The following UBE4B variants were observed in gnomAD, a reference collection of about 807,000 sequenced individuals.
UBE4B encodes ubiquitination factor E4B, also known as ubiquitin conjugation factor E4 B.
Under a neutral mutation model 148.1 loss-of-function variants are expected in UBE4B, and 27 were observed. The observed-to-expected ratio is 0.18, with a 90% CI of 0.13 to 0.25. The LOEUF (loss-of-function observed/expected upper bound fraction) is 0.25, where lower values mean the gene tolerates loss of function less well. Among genes scored for constraint, UBE4B ranks in the 10% least tolerant of loss-of-function variants. The pLI, the probability that UBE4B is intolerant of heterozygous loss-of-function variation, is 1.00. For synonymous variants in UBE4B, 596 were observed against 619.3 expected (o/e 0.96, Z 0.56); for missense variants, 1,170 against 1,662.4 (o/e 0.70, Z 5.15).
At chr1:10,034,361 C>G (rs1019635460) in intron 1 of UBE4B, among the ~76,000 whole-genome samples, 1 of 152,026 alleles carries the variant, frequency 6.6e-6, no homozygotes, top group Non-Finnish European at 1.5e-5. Flanking sequence ...AGAGACTGAA[C>G]GGGAAGCAAG....
chr1:10,047,655 G>A (rs556677462), intron 1 of UBE4B, among the ~76,000 whole-genome samples: 145 of 152,010 alleles, frequency 9.5e-4, no homozygotes, highest in Non-Finnish European at 1.8e-3. Flanking sequence ...ACCACACCTG[G>A]CTAATTTTTT....
intron 14 of UBE4B, among the ~76,000 whole-genome samples, 196 bp downstream of exon 14, chr1:10,131,009 C>A (rs1645584003): frequency 1.3e-5 from 2 of 152,214 alleles, no homozygotes; most frequent in South Asian, 4.1e-4. Context: ...AGTATGCTGC[C>A]TTTGTATGTA....
chr1:10,093,651 A>G (rs746143172), intron 2 of UBE4B, among the ~76,000 whole-genome samples: 2 of 152,156 alleles, frequency 1.3e-5, no homozygotes, highest in African/African-American at 2.4e-5. Flanking sequence ...TGTTTTCACT[A>G]CAACGGGTAA....
chr1:10,095,183 T>C (rs1411251131), intron 2 of UBE4B, among the ~76,000 whole-genome samples: 3 of 152,188 alleles, frequency 2.0e-5, no homozygotes, highest in East Asian at 1.9e-4. Context: ...ATAGTTTGAA[T>C]TGGTGCAAGA....
Position 10,105,571 on chromosome 1 carries a change from G to A in UBE4B, c.636G>A (p.Met212Ile), listed in dbSNP as rs1645092137. ...AGATTTTAATGGAAGTGCTAATGATGTCCACTCAGACCAGAGATGAAAACC... is the reference window on the plus strand; with the variant it reads ...AGATTTTAATGGAAGTGCTAATGATATCCACTCAGACCAGAGATGAAAACC... ...IGQILMEVLM[M>I]STQTRDENPF... is the part of the protein sequence containing the mutation. The change falls in exon 6 of 28, where the codon ATG becomes ATA. Residue 212 changes from methionine (M) to isoleucine (I), a missense_variant. Transcript: ENST00000343090. 6.2e-7 allele frequency: 1 copy of A among 1,614,016 alleles called. No individual in the cohort carries two copies. The highest frequency in any genetic ancestry group is 1.3e-5 in the African/African-American group (1 of 74,904).
chr1:10,128,139 T>C (rs1645531992), intron 11 of UBE4B, among the ~76,000 whole-genome samples: 2 of 152,354 alleles, frequency 1.3e-5, no homozygotes, highest in Non-Finnish European at 2.9e-5. Context: ...AATATTTTAG[T>C]GAACACTAAT....
intron 25 of UBE4B, among the ~76,000 whole-genome samples, chr1:10,175,836 G>A (rs1646421654): frequency 1.3e-5 from 2 of 151,990 alleles, no homozygotes; most frequent in African/African-American, 4.8e-5. Context: ...TCTTTAATGA[G>A]GTAAGATTAA....
chr1:10,090,676 G>A (rs758681535), intron 2 of UBE4B, among the ~76,000 whole-genome samples: 3 of 151,970 alleles, frequency 2.0e-5, no homozygotes, highest in African/African-American at 7.3e-5. Flanking sequence ...TGCCTCGACC[G>A]CCCAATCTGT....
At chr1:10,178,529 G>A (rs1646460740) in intron 25 of UBE4B, 115 bp from the exon 26 acceptor site, 5 of 1,044,724 alleles carry the variant, frequency 4.8e-6, no homozygotes. Flanking sequence ...ATAATTTTAG[G>A]GCTTTTTTAG....
chr1:10,177,643 G>A (rs540661619), intron 25 of UBE4B, among the ~76,000 whole-genome samples: 132 of 151,954 alleles, frequency 8.7e-4, no homozygotes, highest in Middle Eastern at 3.4e-3. Flanking sequence ...GTGACAGAAT[G>A]AGACTCTGTC....
intron 25 of UBE4B, among the ~76,000 whole-genome samples, chr1:10,175,447 C>A (rs113102667): frequency 6.6e-5 from 10 of 151,352 alleles, no homozygotes; most frequent in Admixed American, 3.3e-4. Context: ...GTCAGGAGAT[C>A]GAGACCGTCC....
chr1:10,129,127 T>C, intron 11 of UBE4B: 1 of 397,872 alleles, frequency 2.5e-6, no homozygotes, highest in Non-Finnish European at 4.6e-6. Context: ...GCTCAAAATA[T>C]CAATAGAGGT....
rs761454523 is a variant in UBE4B, at chr1:10,151,351, C to T, written c.2716C>T (p.Pro906Ser). ...ATACTCTCCCCAGGCGCTTTATGAG[C>T]CCTGTACTCAGGATATTGTGATGTT... ...VQYSPQALYE[P>S]CTQDIVMFLV... is the part of the protein sequence containing the mutation. Residue 906 changes from proline to serine, a missense_variant, in exon 21 of 28, where the codon CCC becomes TCC. Pro to Ser is a moderately conservative substitution (Grantham distance 74, BLOSUM62 -1). Transcript: ENST00000343090. 6.2e-7 allele frequency: 1 copy of T among 1,614,048 alleles called. No homozygotes were observed. Among genetic ancestry groups the T allele is most frequent in the South Asian group, 1.1e-5 (1 of 91,076 alleles).
At chr1:10,072,801 T>C (rs1644511584) in intron 2 of UBE4B, 1 of 238,786 alleles carries the variant, frequency 4.2e-6, no homozygotes, top group African/African-American at 2.2e-5. Context: ...AATATCTCTC[T>C]TTTGTCTGTG....
At chr1:10,110,787 T>C (rs1429576156) in intron 7 of UBE4B, among the ~76,000 whole-genome samples, 1 of 152,112 alleles carries the variant, frequency 6.6e-6, no homozygotes, top group Non-Finnish European at 1.5e-5. Flanking sequence ...TTGACTCTCC[T>C]GTTTTTGCTG....
At chr1:10,088,613 C>T (rs564264312) in intron 2 of UBE4B, among the ~76,000 whole-genome samples, 10 of 151,980 alleles carry the variant, frequency 6.6e-5, no homozygotes, top group South Asian at 4.2e-4. Context: ...TCAGCTGATC[C>T]ACCTGCCTTG....
intron 15 of UBE4B, among the ~76,000 whole-genome samples, chr1:10,134,353 A>T (rs1645643301): frequency 6.6e-6 from 1 of 151,916 alleles, no homozygotes; most frequent in South Asian, 2.1e-4. Flanking sequence ...TCTACTAAAA[A>T]TACAAAAAAT....
intron 17 of UBE4B, among the ~76,000 whole-genome samples, chr1:10,140,775 G>A (rs987999933): frequency 1.3e-5 from 2 of 152,204 alleles, no homozygotes; most frequent in African/African-American, 4.8e-5. Flanking sequence ...TAGTTGGGGT[G>A]TGTATATGCG....
chr1:10,175,623 C>A (rs183771579), intron 25 of UBE4B, among the ~76,000 whole-genome samples: 1 of 151,810 alleles, frequency 6.6e-6, no homozygotes, highest in Admixed American at 6.6e-5. Context: ...TGCACTCCAG[C>A]CTGGGCGACA....
Sources: gnomAD v4.1 joint callset for allele counts (sites outside exome capture counted in the v4.1 genomes callset) on GRCh38, gnomAD v4.1.1 for gene constraint, MANE v1.5 for transcripts, NCBI Gene and HGNC (gene_info 2026-07-23, HGNC 2026-07-21) for gene names.